The following RAB3GAP1 variants were observed in gnomAD, a reference collection of about 807,000 sequenced individuals.
RAB3GAP1 encodes the protein RAB3 GTPase activating protein catalytic subunit 1, also known as rab3 GTPase-activating protein catalytic subunit.
RAB3GAP1 carries 86 observed loss-of-function variants against 130.7 expected under a neutral mutation model. That is an observed-to-expected ratio of 0.66 (90% confidence interval 0.55 to 0.79). The LOEUF is 0.79. Among genes scored for constraint, RAB3GAP1 ranks in the 30% least tolerant of loss-of-function variants. The probability of loss-of-function intolerance (pLI) is 0.00; values close to 1 mark genes in which losing one functional copy is unlikely to be tolerated. For missense variants in RAB3GAP1, 1,029 were observed against 1,169.4 expected (o/e 0.88, Z 1.75); for synonymous variants, 367 against 401.7 (o/e 0.91, Z 1.03).
Position 135,168,837 on chromosome 2 carries a change from G to C in RAB3GAP1, c.*56G>C. On this transcript the variant is annotated 3_prime_UTR_variant, in exon 24 of 24. Coordinates refer to ENST00000264158, the MANE Select transcript of RAB3GAP1 (RefSeq NM_012233.3). Reference sequence around the variant, plus strand: ...GAGACAGTGCTGCCTCCTCCTGAGGGAGGGAAGGTACCAGGGAGAACCTGG... The same window carrying C: ...GAGACAGTGCTGCCTCCTCCTGAGGCAGGGAAGGTACCAGGGAGAACCTGG... 6.7e-7 allele frequency: 1 copy of C among 1,495,720 alleles called. No homozygotes were observed. The highest frequency in any genetic ancestry group is 9.3e-7 in the Non-Finnish European group (1 of 1,073,572). The allele number at this position is 1,495,720 out of a possible 1,614,324, so 92.7% of individuals were successfully genotyped here. A position where few individuals can be genotyped will look rare whatever the true frequency, so the allele number is the denominator to read the frequency against.
intron 13 of RAB3GAP1, among the ~76,000 whole-genome samples, chr2:135,131,526 G>C (rs1691543456): frequency 6.6e-6 from 1 of 152,154 alleles, no homozygotes. Flanking sequence ...CACCGCACCT[G>C]GCCCCGGAAG....
In RAB3GAP1 at chr2:135,164,636, C is replaced by T. The variant is rs755368009; in HGVS notation, c.2649C>T (p.Thr883=). 1.1e-5 allele frequency: 17 copies of T among 1,613,272 alleles called. No individual in the cohort carries two copies. Among genetic ancestry groups the T allele is most frequent in the African/African-American group, 6.7e-5 (5 of 74,888 alleles). ...CLLEQPEVLV[T]GAGRGHAGRI... ...TGGAGCAGCCTGAAGTGTTAGTCAC[C>T]GGTGCAGGAAGAGGACATGCTGGCA... The change falls in exon 23 of 24, where the codon ACC becomes ACT. Residue 883 remains threonine, a synonymous_variant. Transcript: ENST00000264158.
intron 6 of RAB3GAP1, 121 bp downstream of exon 6, chr2:135,113,391 G>A (rs1690876869): frequency 2.3e-6 from 3 of 1,317,336 alleles, no homozygotes; most frequent in South Asian, 1.2e-5. Context: ...CATATATATT[G>A]TTAAACTAAA....
At chr2:135,129,946 T>A in intron 11 of RAB3GAP1, 49 bp from the exon 12 acceptor site, 1 of 1,005,072 alleles carries the variant, frequency 9.9e-7, no homozygotes, top group Non-Finnish European at 1.4e-6. Context: ...TAGGACTGAT[T>A]TTTTTTTTTT....
chr2:135,167,787 C>A, intron 23 of RAB3GAP1: 4 of 1,235,888 alleles, frequency 3.2e-6, no homozygotes, highest in Non-Finnish European at 4.5e-6. Context: ...GTCATTAACA[C>A]TAACCACCTC....
At chr2:135,056,834 T>C (rs1011607242) in intron 2 of RAB3GAP1, among the ~76,000 whole-genome samples, 4 of 152,226 alleles carry the variant, frequency 2.6e-5, no homozygotes, top group Non-Finnish European at 4.4e-5. Flanking sequence ...AGATGAATCA[T>C]AGATTTATTA....
chr2:135,060,627 CTG>C (rs1689141821), intron 3 of RAB3GAP1, among the ~76,000 whole-genome samples: 1 of 151,978 alleles, frequency 6.6e-6, no homozygotes, highest in East Asian at 1.9e-4. Context: ...GAGGTCATCT[CTG>C]TTACCCCAGG....
At chr2:135,149,320 G>GA (rs1186871567) in intron 17 of RAB3GAP1, among the ~76,000 whole-genome samples, 1 of 152,196 alleles carries the variant, frequency 6.6e-6, no homozygotes, top group Admixed American at 6.5e-5. Flanking sequence ...TAGTCAAAGA[G>GA]AAAGTATGAA....
chr2:135,084,478 C>T (rs749635700), intron 3 of RAB3GAP1, among the ~76,000 whole-genome samples: 5 of 151,990 alleles, frequency 3.3e-5, no homozygotes, highest in Non-Finnish European at 7.4e-5. Context: ...ATTTTTAAGT[C>T]TAGAGTAAGA....
intron 6 of RAB3GAP1, 82 bp from the exon 7 acceptor site, chr2:135,115,134 A>G: frequency 7.4e-7 from 1 of 1,359,422 alleles, no homozygotes; most frequent in Admixed American, 1.8e-5. Context: ...TCTTGAGATT[A>G]AAATAATTTG....
At chr2:135,070,506 T>A (rs1017014392) in intron 3 of RAB3GAP1, among the ~76,000 whole-genome samples, 16 of 152,110 alleles carry the variant, frequency 1.1e-4, no homozygotes, top group African/African-American at 3.9e-4. Flanking sequence ...ATTCCTGGCC[T>A]ATAAAAGGAA....
At chr2:135,167,318 T>G (rs2105005983) in intron 23 of RAB3GAP1, among the ~76,000 whole-genome samples, 1 of 152,340 alleles carries the variant, frequency 6.6e-6, no homozygotes, top group African/African-American at 2.4e-5. Context: ...CGCTTCAGAC[T>G]TGCTAGATTG....
intron 17 of RAB3GAP1, among the ~76,000 whole-genome samples, chr2:135,148,054 T>G (rs1026902521): frequency 6.6e-6 from 1 of 152,238 alleles, no homozygotes; most frequent in Non-Finnish European, 1.5e-5. Flanking sequence ...TGGACTGACT[T>G]ACTCTTCTTT....
At position 135,169,181 on chromosome 2, in the gene RAB3GAP1, T is replaced by C. The variant is rs1472739841; in HGVS notation, c.*400T>C. ...CGTGGTTCTATATATCAGCAGCAAG[T>C]GTGCAAAATAAAGGACCTGTTAACT... On this transcript the variant is annotated 3_prime_UTR_variant, in exon 24 of 24. Transcript: ENST00000264158. 1 of 277,436 alleles carries C rather than the reference T, an allele frequency of 3.6e-6. No homozygotes were observed. Among genetic ancestry groups the C allele is most frequent in the African/African-American group, 2.2e-5 (1 of 45,782 alleles). 17.2% of individuals were successfully genotyped at this position (277,436 alleles called of 1,614,324 possible). A position where few individuals can be genotyped will look rare whatever the true frequency, so the allele number is the denominator to read the frequency against.
At chr2:135,064,751 TTTTG>T (rs1689268427) in intron 3 of RAB3GAP1, among the ~76,000 whole-genome samples, 1 of 145,034 alleles carries the variant, frequency 6.9e-6, no homozygotes, top group Admixed American at 7.1e-5. Context: ...TCCTGAGGTG[TTTTG>T]TTTTTTTTTT....
At chr2:135,170,781 T>G (rs991404566), downstream of RAB3GAP1, 8 of 152,154 alleles carry the variant, frequency 5.3e-5, no homozygotes, top group East Asian at 1.5e-3. Flanking sequence ...GATTTTGGGA[T>G]TGAGACCAGA....
chr2:135,126,372 G>A, intron 10 of RAB3GAP1, 123 bp downstream of exon 10: 1 of 914,774 alleles, frequency 1.1e-6, no homozygotes, highest in East Asian at 2.6e-5. Flanking sequence ...GTTCCCTTTT[G>A]TGTTTTATTG....
At chr2:135,082,475 C>G (rs1689853785) in intron 3 of RAB3GAP1, among the ~76,000 whole-genome samples, 1 of 147,836 alleles carries the variant, frequency 6.8e-6, no homozygotes, top group Non-Finnish European at 1.5e-5. Context: ...CAGTCTTGCT[C>G]TGTCGCCCAG....
chr2:135,057,672 T>C (rs921144462), intron 2 of RAB3GAP1, among the ~76,000 whole-genome samples: 1 of 152,246 alleles, frequency 6.6e-6, no homozygotes, highest in African/African-American at 2.4e-5. Context: ...TAATTATCTT[T>C]AATAGTATCA....
Sources: allele counts gnomAD v4.1 joint callset (sites outside exome capture counted in the v4.1 genomes callset), GRCh38; gene constraint gnomAD v4.1.1; transcripts MANE v1.5; gene names NCBI Gene and HGNC (gene_info 2026-07-23, HGNC 2026-07-21).